APBA2: variants seen among roughly 807,000 people sequenced by gnomAD.
APBA2 encodes amyloid beta precursor protein binding family A member 2.
A neutral mutation model predicts 75.0 loss-of-function variants in APBA2; 30 were observed. The observed-to-expected ratio is 0.40, with a 90% CI of 0.30 to 0.54. The LOEUF is 0.54. APBA2 is among the 20% of genes least tolerant of loss of function. The pLI is 0.49. For missense variants in APBA2, 801 were observed against 1,016.1 expected (o/e 0.79, Z 2.88); for synonymous variants, 444 against 409.6 (o/e 1.08, Z -1.01).
intron 2 of APBA2, among the ~76,000 whole-genome samples, chr15:28,963,653 T>G (rs1285140436): frequency 2.0e-5 from 3 of 152,246 alleles, no homozygotes; most frequent in African/African-American, 7.2e-5. Context: ...TGTTTTAGAA[T>G]ATAAATCTCA....
Position 29,054,108 on chromosome 15 carries a change from A to T in APBA2, c.224A>T (p.Asp75Val). ...AGCCCCGATGGGGACTCCAGCTCTG[A>T]CTACGTGAACAACACCTCTGAGGAG... ...NHSPDGDSSS[D>V]YVNNTSEEED... The change falls in exon 4 of 15, where the codon GAC becomes GTC. Residue 75 changes from aspartate to valine, a missense_variant. Around this residue, in one of 2 missense-constraint regions of APBA2, gnomAD observed 434 missense variants for 471.6 expected, o/e 0.92. Transcript: ENST00000683413. This position sits in a 1 kb window ranked among gnomAD's most constrained non-coding sequence, Gnocchi z 6.1. 6.2e-7 allele frequency: 1 copy of T among 1,614,158 alleles called. No individual in the cohort carries two copies. Among genetic ancestry groups the T allele is most frequent in the Non-Finnish European group, 8.5e-7 (1 of 1,180,040 alleles).
chr15:28,957,779 G>T (rs2152732510), intron 2 of APBA2, among the ~76,000 whole-genome samples: 1 of 152,274 alleles, frequency 6.6e-6, no homozygotes, highest in Middle Eastern at 3.4e-3. Flanking sequence ...CGGGGTGATG[G>T]GAACGCTGTC....
chr15:29,070,049 T>C (rs2042550155), intron 4 of APBA2, among the ~76,000 whole-genome samples: 1 of 152,186 alleles, frequency 6.6e-6, no homozygotes, highest in East Asian at 1.9e-4. Flanking sequence ...TATCAGCCTG[T>C]CTGCCCCCTA....
At position 29,117,506 on chromosome 15, in the gene APBA2, G is replaced by A; in HGVS notation, c.*373G>A. ...CGCCTCCGAGGGACGCGGCTCCCGG[G>A]GCAGGGCAGCCGTCACCCCTGCCTC... On this transcript the variant is annotated 3_prime_UTR_variant, in exon 15 of 15. Transcript: ENST00000683413. The A allele has an allele frequency of 3.4e-6, 1 of 290,682 alleles. No individual in the cohort carries two copies. The highest frequency in any genetic ancestry group is 2.2e-5 in the African/African-American group (1 of 45,500). 18.0% of individuals were successfully genotyped at this position (290,682 alleles called of 1,614,324 possible).
intron 3 of APBA2, among the ~76,000 whole-genome samples, chr15:29,010,789 A>T (rs2039364844): frequency 6.6e-6 from 1 of 152,154 alleles, no homozygotes; most frequent in Admixed American, 6.5e-5. Flanking sequence ...TTTCTAATAT[A>T]TGATTTTAGG....
chr15:29,032,363 A>AAGGCCTT (rs1026219528), intron 3 of APBA2, among the ~76,000 whole-genome samples: 2 of 152,236 alleles, frequency 1.3e-5, no homozygotes, highest in African/African-American at 4.8e-5. Flanking sequence ...CCTTAAGACC[A>AAGGCCTT]AAGGCTGAGG....
At chr15:29,094,225 A>T in intron 7 of APBA2, 53 bp from the exon 8 acceptor site, 35 of 1,590,748 alleles carry the variant, frequency 2.2e-5, no homozygotes, top group Non-Finnish European at 2.9e-5. Context: ...AACCTCACGC[A>T]CCTTCCTTCT....
At chr15:29,101,237 C>CT (rs2044104945) in intron 9 of APBA2, among the ~76,000 whole-genome samples, 5 of 138,624 alleles carry the variant, frequency 3.6e-5, no homozygotes, top group African/African-American at 8.1e-5. Flanking sequence ...TTTTTCCTTT[C>CT]TTTTTTTTTG....
chr15:29,074,173 CAAG>C (rs1452017040), intron 4 of APBA2, among the ~76,000 whole-genome samples: 1 of 152,122 alleles, frequency 6.6e-6, no homozygotes, highest in Non-Finnish European at 1.5e-5. Flanking sequence ...AGTGAAGACT[CAAG>C]AGATATTTGC....
intron 6 of APBA2, among the ~76,000 whole-genome samples, chr15:29,080,401 G>A (rs892708978): frequency 7.9e-5 from 12 of 152,110 alleles, no homozygotes; most frequent in African/African-American, 2.7e-4. Flanking sequence ...AGAGTTCAGT[G>A]GAGGGGAGCG....
At chr15:28,886,961 C>T (rs1389347598) in intron 1 of APBA2, among the ~76,000 whole-genome samples, 1 of 152,184 alleles carries the variant, frequency 6.6e-6, no homozygotes, top group Non-Finnish European at 1.5e-5. Flanking sequence ...ATCGAGGCCC[C>T]CGGTCCCCAA....
intron 2 of APBA2, among the ~76,000 whole-genome samples, chr15:28,959,028 C>T (rs572191930): frequency 3.3e-5 from 5 of 152,234 alleles, no homozygotes; most frequent in African/African-American, 1.2e-4. Flanking sequence ...CTCCCTCTGT[C>T]GCCAGGCTGG....
At chr15:28,948,042 T>TG (rs1483442756) in intron 2 of APBA2, among the ~76,000 whole-genome samples, 14 of 152,220 alleles carry the variant, frequency 9.2e-5, no homozygotes, top group Non-Finnish European at 1.8e-4. Context: ...CCCAGGGCCA[T>TG]GGACTTCTGG....
chr15:28,966,106 T>G (rs74471232), intron 2 of APBA2, among the ~76,000 whole-genome samples: 51 of 152,238 alleles, frequency 3.4e-4, no homozygotes, highest in African/African-American at 1.2e-3. Context: ...GGCTTTTTTT[T>G]GTGACCCAGG....
chr15:28,955,911 A>G lies in APBA2; in HGVS notation c.-95+34162A>G, dbSNP rs531484905. On this transcript the variant is annotated intron_variant, in intron 2 of 14. Transcript: ENST00000683413. ...CTGGCCCTCGGTTGCTTGCTCCTGC[A>G]GGCAGGGCCGTGGACCCGTAGCTCA... is the stretch of plus-strand genomic sequence containing the variant. 3.9e-5 allele frequency among the ~76,000 whole-genome samples: 6 copies of G among 152,330 alleles called. No individual in the cohort carries two copies. The South Asian group carries it at 1.0e-3, about 26-fold the overall frequency.
At position 29,054,250 on chromosome 15, in the gene APBA2, G is replaced by A; in HGVS notation, c.366G>A (p.Leu122=). The A allele has an allele frequency of 6.2e-7, 1 of 1,614,146 alleles. No homozygotes were observed. The highest frequency in any genetic ancestry group is 8.5e-7 in the Non-Finnish European group (1 of 1,180,024). The change falls in exon 4 of 15, where the codon CTG becomes CTA. Residue 122 remains leucine (L), a synonymous_variant. Coordinates refer to ENST00000683413, the MANE Select transcript of APBA2 (RefSeq NM_001353788.2). The surrounding 1 kb of genome is among the most constrained non-coding windows in gnomAD (Gnocchi z 6.1). ...TGGACTGCAACGGGGAGGAGTACCT[G>A]GCCCACAGTGCACACCCTGTGGACA... ...EGMDCNGEEY[L]AHSAHPVDTD...
Position 28,958,149 on chromosome 15 carries a change from C to T in APBA2, c.-95+36400C>T, listed in dbSNP as rs139498315. The stretch of plus-strand genomic sequence containing the variant: ...ATAAGACCATGTGCCTTGCTTCAGC[C>T]AATGACATGTAAGCAGAAGTGACTT... On this transcript the variant is annotated intron_variant, in intron 2 of 14. Coordinates refer to ENST00000683413, the MANE Select transcript of APBA2 (RefSeq NM_001353788.2). 5.3e-5 allele frequency among the ~76,000 whole-genome samples: 8 copies of T among 152,316 alleles called. No individual in the cohort carries two copies. In the East Asian group the frequency reaches 1.5e-3, roughly 29 times the overall value.
intron 2 of APBA2, among the ~76,000 whole-genome samples, chr15:28,934,308 C>T: frequency 6.6e-6 from 1 of 152,114 alleles, no homozygotes; most frequent in East Asian, 1.9e-4. Context: ...CTGTGGACTC[C>T]TGTCTGCAGG....
At chr15:28,920,953 C>CTTCTGCCTG (rs2152669607) in intron 1 of APBA2, among the ~76,000 whole-genome samples, 1 of 152,302 alleles carries the variant, frequency 6.6e-6, no homozygotes, top group Non-Finnish European at 1.5e-5. Flanking sequence ...TGGTGCTGAT[C>CTTCTGCCTG]AGTAAGGGGT....
Sources: allele counts gnomAD v4.1 joint callset (sites outside exome capture counted in the v4.1 genomes callset), GRCh38; gene constraint gnomAD v4.1.1; regional missense constraint gnomAD v4.1.1; non-coding constraint Gnocchi (gnomAD v3.1); transcripts MANE v1.5; gene names NCBI Gene and HGNC (gene_info 2026-07-23, HGNC 2026-07-21).